Variants in CA10 observed in about 807,000 individuals in gnomAD.
CA10 encodes carbonic anhydrase-related protein 10.
CA10 carries 14 observed loss-of-function variants against 44.2 expected under a neutral mutation model. The ratio of observed to expected loss-of-function variants is 0.32; its 90% CI spans 0.21 to 0.50. CA10 has a LOEUF of 0.50. CA10 is among the 20% of genes least tolerant of loss of function. CA10 has a pLI of 0.99. For missense variants in CA10, 350 were observed against 409.7 expected (o/e 0.85, Z 1.26); for synonymous variants, 159 against 141.6 (o/e 1.12, Z -0.87).
intron 3 of CA10, among the ~76,000 whole-genome samples, chr17:51,756,555 C>T (rs1905087110): frequency 6.6e-6 from 1 of 150,986 alleles, no homozygotes; most frequent in African/African-American, 2.4e-5. Flanking sequence ...CTGCAAGCTC[C>T]GCCTCCCGGG....
At chr17:51,893,280 C>T (rs769259470) in intron 3 of CA10, among the ~76,000 whole-genome samples, 2 of 152,084 alleles carry the variant, frequency 1.3e-5, no homozygotes, top group African/African-American at 4.8e-5. Context: ...GAAAAATCCA[C>T]GCTCTAAGTC....
At chr17:51,843,164 T>G (rs1242731848) in intron 3 of CA10, among the ~76,000 whole-genome samples, 5 of 152,200 alleles carry the variant, frequency 3.3e-5, no homozygotes, top group African/African-American at 1.2e-4. Context: ...CAATCTGTTT[T>G]TGAAGACAGC....
chr17:51,824,067 A>T (rs1907919681), intron 3 of CA10, among the ~76,000 whole-genome samples: 1 of 150,916 alleles, frequency 6.6e-6, no homozygotes, highest in Admixed American at 6.6e-5. Flanking sequence ...AAAACATCAT[A>T]ACAATAGAGA....
intron 4 of CA10, among the ~76,000 whole-genome samples, chr17:51,701,498 T>A (rs939557655): frequency 1.3e-5 from 2 of 152,202 alleles, no homozygotes; most frequent in Non-Finnish European, 2.9e-5. Flanking sequence ...ATTTTTTTTA[T>A]GTTTCTTGTT....
rs1019665212 is a variant in CA10, at chr17:51,636,083, T to C, written c.635-74A>G. 4.1e-5 allele frequency: 31 copies of C among 763,348 alleles called. No homozygotes were observed. In the Admixed American group the frequency reaches 6.4e-4, roughly 16 times the overall value. 47.3% of individuals were successfully genotyped at this position (763,348 alleles called of 1,614,324 possible). ...GGTATTGCTGACATACATACATACA[T>C]ACATACATATACATATACATATACA... On this transcript the variant is annotated intron_variant, in intron 6 of 8. Transcript: ENST00000451037.
At chr17:51,939,093 T>TA (rs2144011970) in intron 2 of CA10, among the ~76,000 whole-genome samples, 1 of 152,216 alleles carries the variant, frequency 6.6e-6, no homozygotes, top group South Asian at 2.1e-4. Context: ...ATTCAACATC[T>TA]TTCAGTATAC....
At chr17:51,974,465 C>T (rs766479704) in intron 2 of CA10, among the ~76,000 whole-genome samples, 27 of 149,360 alleles carry the variant, frequency 1.8e-4, no homozygotes, top group East Asian at 5.9e-4. Flanking sequence ...TTAGTAAACT[C>T]GCAGACAAGA....
chr17:51,776,030 G>C (rs976432877), intron 3 of CA10, among the ~76,000 whole-genome samples: 1 of 152,148 alleles, frequency 6.6e-6, no homozygotes, highest in African/African-American at 2.4e-5. Flanking sequence ...TTAGAAATGA[G>C]AAGCCATTGA....
intron 3 of CA10, among the ~76,000 whole-genome samples, chr17:51,793,919 G>A (rs1247241776): frequency 6.6e-6 from 1 of 152,212 alleles, no homozygotes; most frequent in Non-Finnish European, 1.5e-5. Flanking sequence ...ATCCAATGCA[G>A]TCTGATGAGG....
intron 3 of CA10, among the ~76,000 whole-genome samples, chr17:51,929,262 T>C (rs1179705749): frequency 1.3e-5 from 2 of 152,174 alleles, no homozygotes; most frequent in Non-Finnish European, 2.9e-5. Flanking sequence ...CTTTAAGACA[T>C]TCTGATGGAA....
intron 3 of CA10, among the ~76,000 whole-genome samples, chr17:51,811,390 T>C (rs1285821041): frequency 6.6e-6 from 1 of 152,142 alleles, no homozygotes; most frequent in Non-Finnish European, 1.5e-5. Flanking sequence ...GCTGTACCCA[T>C]CAACTCATCA....
chr17:52,078,846 A>G (rs926879768), intron 1 of CA10, among the ~76,000 whole-genome samples: 1 of 152,100 alleles, frequency 6.6e-6, no homozygotes, highest in Non-Finnish European at 1.5e-5. Context: ...CAACACCCGG[A>G]AGGTATTTTT....
At chr17:51,764,746 G>A (rs1397138805) in intron 3 of CA10, among the ~76,000 whole-genome samples, 1 of 152,186 alleles carries the variant, frequency 6.6e-6, no homozygotes, top group Non-Finnish European at 1.5e-5. Context: ...TTGCCAGCCT[G>A]CCCACTAGGT....
intron 1 of CA10, among the ~76,000 whole-genome samples, chr17:52,116,328 G>C (rs985518371): frequency 7.2e-5 from 11 of 152,106 alleles, no homozygotes; most frequent in Admixed American, 2.0e-4. Flanking sequence ...AGGGGAACTT[G>C]GTTCCACAGC....
intron 3 of CA10, among the ~76,000 whole-genome samples, chr17:51,878,085 A>C (rs1001950146): frequency 7.0e-6 from 1 of 142,794 alleles, no homozygotes; most frequent in Non-Finnish European, 1.5e-5. Flanking sequence ...CGGAGGTTAC[A>C]GTGAGCCAAG....
chr17:51,995,100 C>T (rs978953224), intron 2 of CA10, among the ~76,000 whole-genome samples: 7 of 151,816 alleles, frequency 4.6e-5, no homozygotes, highest in African/African-American at 1.7e-4. Context: ...TAGGCGTAGC[C>T]ATATAAGAAG....
chr17:51,963,567 T>C (rs1194872970), intron 2 of CA10, among the ~76,000 whole-genome samples: 1 of 152,190 alleles, frequency 6.6e-6, no homozygotes, highest in Non-Finnish European at 1.5e-5. Flanking sequence ...AACAGTGGAC[T>C]TCTCAGCACA....
chr17:51,649,142 T>C, intron 6 of CA10, 40 bp downstream of exon 6: 1 of 1,482,522 alleles, frequency 6.7e-7, no homozygotes, highest in Non-Finnish European at 9.4e-7. Flanking sequence ...GTCTAACCTT[T>C]ATAGAATAGT....
chr17:51,691,408 T>C (rs1192783098), intron 4 of CA10, among the ~76,000 whole-genome samples: 2 of 152,220 alleles, frequency 1.3e-5, no homozygotes, highest in Non-Finnish European at 2.9e-5. Flanking sequence ...TTTGCCCATT[T>C]TTAAATCAGG....
Sources: allele counts gnomAD v4.1 joint callset (sites outside exome capture counted in the v4.1 genomes callset), GRCh38; gene constraint gnomAD v4.1.1; transcripts MANE v1.5; gene names NCBI Gene and HGNC (gene_info 2026-07-23, HGNC 2026-07-21).